CALN1: variants seen among roughly 807,000 people sequenced by gnomAD.
CALN1 encodes the protein calcium-binding protein 8.
CALN1 carries 17 observed loss-of-function variants against 30.6 expected under a neutral mutation model. The observed-to-expected ratio is 0.56, with a 90% CI of 0.38 to 0.83. The LOEUF is 0.83. Ranked by LOEUF, CALN1 falls within the 40% of genes least tolerant of loss-of-function variation. The pLI is 0.00. For synonymous variants in CALN1, 156 were observed against 131.4 expected, an observed-to-expected ratio of 1.19 and a Z score of -1.28; for missense variants, 291 against 354.9, an observed-to-expected ratio of 0.82 and a Z score of 1.45.
chr7:72,439,727 C>A (rs190057840), intron 1 of CALN1, among the ~76,000 whole-genome samples: 11 of 152,042 alleles, frequency 7.2e-5, no homozygotes, highest in Non-Finnish European at 1.6e-4. Context: ...CAAGCGCCCG[C>A]CACAATGCCT....
At chr7:71,911,957 C>T (rs558872782) in intron 5 of CALN1, among the ~76,000 whole-genome samples, 15 of 152,076 alleles carry the variant, frequency 9.9e-5, no homozygotes, top group Non-Finnish European at 1.2e-4. Flanking sequence ...CAGAACACCA[C>T]GGTGAGAGGA....
At chr7:72,037,472 C>T (rs535858790) in intron 4 of CALN1, among the ~76,000 whole-genome samples, 2 of 152,084 alleles carry the variant, frequency 1.3e-5, no homozygotes, top group South Asian at 2.1e-4. Context: ...TTTTGATAGT[C>T]GAACCATATC....
intron 3 of CALN1, among the ~76,000 whole-genome samples, chr7:72,218,420 C>T (rs1411492849): frequency 3.3e-5 from 5 of 151,956 alleles, no homozygotes; most frequent in Non-Finnish European, 5.9e-5. Flanking sequence ...TGCACTCCAG[C>T]CTGGGCAACA....
chr7:72,497,551 T>C, the CALN1 span, among the ~76,000 whole-genome samples: 1 of 152,332 alleles, frequency 6.6e-6, no homozygotes, highest in East Asian at 1.9e-4. Flanking sequence ...GGCCATGCCC[T>C]GAGATTAGGA....
chr7:71,792,979 G>A (rs1396899600), intron 6 of CALN1, among the ~76,000 whole-genome samples: 1 of 152,056 alleles, frequency 6.6e-6, no homozygotes, highest in African/African-American at 2.4e-5. Flanking sequence ...CTGAGCAATC[G>A]CCTGGAGAAT....
chr7:72,430,257 A>G (rs1363236343), intron 1 of CALN1, among the ~76,000 whole-genome samples: 1 of 148,176 alleles, frequency 6.7e-6, no homozygotes, highest in Non-Finnish European at 1.5e-5. Flanking sequence ...TTATAAATTT[A>G]TAGAAAATAT....
chr7:72,397,278 G>A (rs191375053), intron 2 of CALN1, among the ~76,000 whole-genome samples: 1 of 152,244 alleles, frequency 6.6e-6, no homozygotes, highest in Non-Finnish European at 1.5e-5. Context: ...ACAGCTGTCA[G>A]GGAGGATGCC....
At chr7:72,418,392 T>C (rs916574144) in intron 1 of CALN1, among the ~76,000 whole-genome samples, 1 of 152,234 alleles carries the variant, frequency 6.6e-6, no homozygotes, top group Non-Finnish European at 1.5e-5. Context: ...GTCGATTCCA[T>C]GTCTTTGCTC....
chr7:71,793,652 G>A (rs1261424012), intron 6 of CALN1, among the ~76,000 whole-genome samples: 8 of 152,160 alleles, frequency 5.3e-5, no homozygotes, highest in African/African-American at 1.4e-4. Flanking sequence ...TGGGTGGATC[G>A]CCTGAGGTTA....
At chr7:72,194,870 G>T (rs1790881812) in intron 3 of CALN1, among the ~76,000 whole-genome samples, 1 of 151,976 alleles carries the variant, frequency 6.6e-6, no homozygotes, top group African/African-American at 2.4e-5. Flanking sequence ...GATTACAGGT[G>T]TGAGCCTCTT....
chr7:72,269,356 C>T (rs944235494), intron 3 of CALN1, among the ~76,000 whole-genome samples: 4 of 151,926 alleles, frequency 2.6e-5, no homozygotes, highest in African/African-American at 9.7e-5. Flanking sequence ...TATCCCTCCC[C>T]CCTGCCCCCA....
intron 3 of CALN1, among the ~76,000 whole-genome samples, chr7:72,220,374 TC>T (rs1006267089): frequency 1.6e-4 from 24 of 152,152 alleles, no homozygotes; most frequent in African/African-American, 5.3e-4. Flanking sequence ...CACGAACTCA[TC>T]ATTTTTTTAT....
At chr7:72,498,145 T>C in the CALN1 span, among the ~76,000 whole-genome samples, 1 of 152,150 alleles carries the variant, frequency 6.6e-6, no homozygotes, top group African/African-American at 2.4e-5. Context: ...AGTAATCCAA[T>C]GTATAAAAAA....
At chr7:72,293,753 T>A (rs562349664) in intron 2 of CALN1, among the ~76,000 whole-genome samples, 3 of 152,202 alleles carry the variant, frequency 2.0e-5, no homozygotes, top group African/African-American at 7.2e-5. Flanking sequence ...CCAGGTAACA[T>A]TTTTGAACTT....
upstream of CALN1, among the ~76,000 whole-genome samples, chr7:72,416,429 T>C (rs1451359987): frequency 6.6e-6 from 1 of 152,116 alleles, no homozygotes; most frequent in Non-Finnish European, 1.5e-5. Flanking sequence ...CCTTAAATTG[T>C]TTCCTGAGTG....
chr7:71,880,631 T>C (rs571912198), intron 5 of CALN1, among the ~76,000 whole-genome samples: 10 of 152,198 alleles, frequency 6.6e-5, no homozygotes, highest in Admixed American at 4.6e-4. Flanking sequence ...ACATCTCCAT[T>C]TGGGCATCTA....
At chr7:72,108,024 C>T (rs1372905343) in intron 3 of CALN1, among the ~76,000 whole-genome samples, 1 of 152,184 alleles carries the variant, frequency 6.6e-6, no homozygotes, top group Non-Finnish European at 1.5e-5. Flanking sequence ...GAAATCTATT[C>T]TCTCACAGTC....
intron 3 of CALN1, among the ~76,000 whole-genome samples, chr7:72,151,263 G>T (rs2129544171): frequency 6.6e-6 from 1 of 152,204 alleles, no homozygotes; most frequent in South Asian, 2.1e-4. Flanking sequence ...CTCGCTTCTT[G>T]GAGTCTGCTG....
the CALN1 span, among the ~76,000 whole-genome samples, chr7:72,479,620 T>G: frequency 1.3e-4 from 19 of 151,714 alleles, no homozygotes; most frequent in Non-Finnish European, 2.5e-4. Flanking sequence ...TGGCGTGATC[T>G]TGGCTCACTG....
Sources: allele counts gnomAD v4.1 joint callset (sites outside exome capture counted in the v4.1 genomes callset), GRCh38; gene constraint gnomAD v4.1.1; transcripts MANE v1.5; gene names NCBI Gene and HGNC (gene_info 2026-07-23, HGNC 2026-07-21).